EPDR1: variants seen among roughly 807,000 people sequenced by gnomAD.
The protein encoded by EPDR1 is mammalian ependymin-related protein 1.
EPDR1 carries 27 observed loss-of-function variants against 23.7 expected under a neutral mutation model. The ratio of observed to expected loss-of-function variants is 1.14; its 90% CI spans 0.84 to 1.57. The LOEUF is 1.57. Ranked by LOEUF, EPDR1 falls within the 40% of genes most tolerant of loss-of-function variation. EPDR1 has a pLI of 0.00. For synonymous variants in EPDR1, 137 were observed against 118.2 expected (o/e 1.16, Z -1.03); for missense variants, 349 against 290.4 (o/e 1.20, Z -1.47).
At chr7:37,923,092 C>G (rs549813779) in intron 1 of EPDR1, among the ~76,000 whole-genome samples, 4 of 152,066 alleles carry the variant, frequency 2.6e-5, no homozygotes, top group South Asian at 2.1e-4. Flanking sequence ...CAGGACATGG[C>G]GAAGGGTCAT....
chr7:37,922,619 G>A (rs983078051), intron 1 of EPDR1, among the ~76,000 whole-genome samples: 3 of 150,360 alleles, frequency 2.0e-5, no homozygotes, highest in Admixed American at 6.6e-5. Flanking sequence ...GGTCTAGGGA[G>A]ATTAAGCAAC....
intron 1 of EPDR1, among the ~76,000 whole-genome samples, chr7:37,941,885 T>C (rs996677129): frequency 6.6e-6 from 1 of 152,142 alleles, no homozygotes; most frequent in Non-Finnish European, 1.5e-5. Flanking sequence ...TTTAAGGAAG[T>C]ATTTAGAAAA....
rs548439278 is a variant in EPDR1 at position 37,949,907 on chromosome 7, G to T, written c.479-293G>T. Among the ~76,000 whole-genome samples the T allele has an allele frequency of 1.3e-3, 203 of 152,320 alleles. 2 individuals carry two copies. Among genetic ancestry groups the T allele is most frequent in the Non-Finnish European group, 2.1e-4 (14 of 68,034 alleles). The stretch of plus-strand genomic sequence containing the variant: ...CAATCCCACTTACATGAGGTATGTA[G>T]AGTCGTCAAATTCATAGAGACAGAA... On this transcript the variant is annotated intron_variant, in intron 2 of 2. Transcript: ENST00000199448.
At chr7:37,934,443 C>T (rs10280174) in intron 1 of EPDR1, among the ~76,000 whole-genome samples, 21 of 148,928 alleles carry the variant, frequency 1.4e-4, no homozygotes, top group Non-Finnish European at 2.7e-4. Flanking sequence ...GGACTCTCCT[C>T]TTTTTTTTTT....
At chr7:37,927,082 C>A (rs1785829248) in intron 1 of EPDR1, among the ~76,000 whole-genome samples, 1 of 152,136 alleles carries the variant, frequency 6.6e-6, no homozygotes, top group Non-Finnish European at 1.5e-5. Context: ...CTGCCCCAGT[C>A]CTAGGATAAA....
intron 1 of EPDR1, among the ~76,000 whole-genome samples, chr7:37,944,575 C>T (rs1786235127): frequency 6.6e-6 from 1 of 152,180 alleles, no homozygotes; most frequent in South Asian, 2.1e-4. Context: ...AGCAAAGGGA[C>T]TTCTTACGTG....
chr7:37,934,235 C>T (rs1182330105), intron 1 of EPDR1, among the ~76,000 whole-genome samples: 1 of 152,188 alleles, frequency 6.6e-6, no homozygotes, highest in African/African-American at 2.4e-5. Flanking sequence ...CTTGGCCTCC[C>T]AAAGTGCTGG....
At chr7:37,924,027 C>G (rs1182929804) in intron 1 of EPDR1, among the ~76,000 whole-genome samples, 1 of 152,198 alleles carries the variant, frequency 6.6e-6, no homozygotes, top group Non-Finnish European at 1.5e-5. Flanking sequence ...GCAGCACACA[C>G]AGACCCTTCC....
chr7:37,944,708 TC>T (rs1786237976), intron 1 of EPDR1, among the ~76,000 whole-genome samples: 1 of 151,916 alleles, frequency 6.6e-6, no homozygotes, highest in South Asian at 2.1e-4. Flanking sequence ...TTCAATTACC[TC>T]CCCCCAGGTC....
chr7:37,925,774 A>C (rs1785799009), intron 1 of EPDR1, among the ~76,000 whole-genome samples: 1 of 152,196 alleles, frequency 6.6e-6, no homozygotes, highest in Non-Finnish European at 1.5e-5. Context: ...TCATTTGTTA[A>C]ATGCTAGGTA....
chr7:37,940,169 A>G (rs2132013968), intron 1 of EPDR1, among the ~76,000 whole-genome samples: 1 of 152,354 alleles, frequency 6.6e-6, no homozygotes, highest in Non-Finnish European at 1.5e-5. Flanking sequence ...TCTATATGGC[A>G]TGCTACTCTT....
intron 1 of EPDR1, among the ~76,000 whole-genome samples, chr7:37,922,592 A>G (rs577260039): frequency 6.6e-6 from 1 of 151,832 alleles, no homozygotes; most frequent in South Asian, 2.1e-4. Flanking sequence ...TCTCCATTTT[A>G]CAGACAATAA....
intron 1 of EPDR1, among the ~76,000 whole-genome samples, chr7:37,931,510 T>TA (rs1785938343): frequency 6.8e-6 from 1 of 147,722 alleles, no homozygotes; most frequent in South Asian, 2.1e-4. Flanking sequence ...CAAGACTCCA[T>TA]AAAAAAATAA....
At chr7:37,949,793 G>A (rs1786358783) in intron 2 of EPDR1, among the ~76,000 whole-genome samples, 4 of 152,206 alleles carry the variant, frequency 2.6e-5, no homozygotes, top group Admixed American at 2.6e-4. Flanking sequence ...TAAAAAGGAA[G>A]GAAACACCAG....
At chr7:37,936,646 A>G (rs1291515703) in intron 1 of EPDR1, among the ~76,000 whole-genome samples, 1 of 152,172 alleles carries the variant, frequency 6.6e-6, no homozygotes, top group Admixed American at 6.5e-5. Context: ...ATGAAAAATC[A>G]ATAGTCTTCA....
chr7:37,923,897 C>T (rs17171211), intron 1 of EPDR1, among the ~76,000 whole-genome samples: 2,617 of 152,232 alleles, frequency 0.017, 62 homozygotes, highest in African/African-American at 0.06. Context: ...ATAGTACGCA[C>T]AAGATGCTCT....
At chr7:37,930,575 C>G (rs2132004528) in intron 1 of EPDR1, among the ~76,000 whole-genome samples, 1 of 152,310 alleles carries the variant, frequency 6.6e-6, no homozygotes, top group South Asian at 2.1e-4. Flanking sequence ...GTCACACACC[C>G]TGTCCTTTTG....
Position 37,920,839 on chromosome 7 carries a change from G to A in EPDR1, c.-101G>A. The A allele has an allele frequency of 6.2e-7, 1 of 1,610,450 alleles. No homozygotes were observed. The highest frequency in any genetic ancestry group is 8.5e-7 in the Non-Finnish European group (1 of 1,178,562). On this transcript the variant is annotated 5_prime_UTR_variant, in exon 1 of 3. Transcript: ENST00000199448. Reference sequence around the variant, plus strand: ...GCACTTTGGTCCAGACCACACTCCCGGCACAGTGCGGAAAGAGCCGGCGGG... The same window carrying A: ...GCACTTTGGTCCAGACCACACTCCCAGCACAGTGCGGAAAGAGCCGGCGGG...
At chr7:37,935,439 A>G (rs1162923167) in intron 1 of EPDR1, among the ~76,000 whole-genome samples, 1 of 152,218 alleles carries the variant, frequency 6.6e-6, no homozygotes, top group Non-Finnish European at 1.5e-5. Context: ...TTTTCCTGCC[A>G]TGGTTATGAT....
Sources: allele counts gnomAD v4.1 joint callset (sites outside exome capture counted in the v4.1 genomes callset), GRCh38; gene constraint gnomAD v4.1.1; transcripts MANE v1.5; gene names NCBI Gene and HGNC (gene_info 2026-07-23, HGNC 2026-07-21).